TRIM24: variants seen among roughly 807,000 people sequenced by gnomAD.
TRIM24 encodes the protein tripartite motif containing 24.
TRIM24 carries 29 observed loss-of-function variants against 123.9 expected under a neutral mutation model. The observed-to-expected ratio is 0.23, with a 90% CI of 0.17 to 0.32. The LOEUF (loss-of-function observed/expected upper bound fraction) is 0.32. Ranked by LOEUF, TRIM24 falls within the 10% of genes least tolerant of loss-of-function variation. The pLI is 1.00. For synonymous variants in TRIM24, 456 were observed against 461.1 expected (o/e 0.99, Z 0.14); for missense variants, 932 against 1,295.3 (o/e 0.72, Z 4.31).
intron 1 of TRIM24, among the ~76,000 whole-genome samples, chr7:138,470,443 A>G (rs1795247618): frequency 6.6e-6 from 1 of 152,200 alleles, no homozygotes; most frequent in Admixed American, 6.5e-5. Flanking sequence ...TTTTATATGT[A>G]CTTGTAAAAA....
intron 7 of TRIM24, among the ~76,000 whole-genome samples, chr7:138,545,045 T>A (rs1298971482): frequency 6.6e-6 from 1 of 152,202 alleles, no homozygotes; most frequent in African/African-American, 2.4e-5. Flanking sequence ...AAATATTGTA[T>A]AAAATTGCTT....
rs60180839 is a variant in TRIM24, at chr7:138,508,692, TGCGCGCGC to T, written c.483+4286_483+4293del. ...GTGTGTGTGTGTGTGTGTGTGTGTG[TGCGCGCGC>T]GTGTGTGCGTGTGTGTGTGCGTGTG... On this transcript the variant is annotated intron_variant, in intron 2 of 18. Transcript: ENST00000343526. Among the ~76,000 whole-genome samples the T allele has an allele frequency of 1.2e-3, 158 of 137,228 alleles. 1 individual carries two copies. The highest frequency in any genetic ancestry group is 2.8e-3 in the African/African-American group (101 of 36,360). 90.0% of individuals were successfully genotyped at this position (137,228 alleles called of 152,430 possible). A position where few individuals can be genotyped will look rare whatever the true frequency, so the allele number is the denominator to read the frequency against.
intron 6 of TRIM24, among the ~76,000 whole-genome samples, chr7:138,529,513 C>T (rs550331458): frequency 7.2e-5 from 11 of 152,196 alleles, no homozygotes; most frequent in South Asian, 2.1e-4. Flanking sequence ...GAGTTATTTT[C>T]GAGATGCACT....
chr7:138,537,238 A>T (rs1796899672), intron 6 of TRIM24, among the ~76,000 whole-genome samples: 1 of 152,020 alleles, frequency 6.6e-6, no homozygotes, highest in South Asian at 2.1e-4. Flanking sequence ...CCACTGTCCG[A>T]CAAGCCCCAG....
intron 1 of TRIM24, among the ~76,000 whole-genome samples, chr7:138,480,008 AG>A (rs1487896111): frequency 2.1e-5 from 3 of 145,770 alleles, no homozygotes; most frequent in Admixed American, 6.8e-5. Context: ...TAGTAGAGAC[AG>A]GGTTTCGCCA....
intron 1 of TRIM24, among the ~76,000 whole-genome samples, chr7:138,494,483 C>T (rs1171490008): frequency 1.3e-5 from 2 of 152,000 alleles, no homozygotes; most frequent in Non-Finnish European, 2.9e-5. Flanking sequence ...CCTGTAATCC[C>T]AGCACTTTGG....
intron 1 of TRIM24, among the ~76,000 whole-genome samples, chr7:138,483,127 C>G (rs988728548): frequency 3.3e-5 from 5 of 151,932 alleles, no homozygotes; most frequent in African/African-American, 1.2e-4. Flanking sequence ...ACTTTGTTGC[C>G]CAGGCTGGTG....
rs530766425 is a variant in TRIM24, at chr7:138,555,283, T to C, written c.1530+317T>C. 1.8e-4 allele frequency among the ~76,000 whole-genome samples: 27 copies of C among 152,278 alleles called. No homozygotes were observed. The South Asian group carries it at 5.2e-3, about 29-fold the overall frequency. ...AAGTTGTGTGCCTATAATTCCTATA[T>C]TGGTGCTTCAGAATGATGAATACAT... On this transcript the variant is annotated intron_variant, in intron 9 of 18. Coordinates refer to ENST00000343526, the MANE Select transcript of TRIM24 (RefSeq NM_015905.3).
At chr7:138,564,705 G>A (rs938870887) in intron 9 of TRIM24, among the ~76,000 whole-genome samples, 3 of 152,092 alleles carry the variant, frequency 2.0e-5, no homozygotes. Context: ...TTAAATACAT[G>A]GCCAATTGTT....
intron 1 of TRIM24, among the ~76,000 whole-genome samples, chr7:138,483,105 G>C (rs529601275): frequency 4.3e-5 from 6 of 140,530 alleles, no homozygotes; most frequent in African/African-American, 1.1e-4. Flanking sequence ...TTTTTGTAGC[G>C]GGGGGGGTCT....
chr7:138,563,258 T>C (rs372267113), intron 9 of TRIM24, among the ~76,000 whole-genome samples: 4 of 152,322 alleles, frequency 2.6e-5, no homozygotes, highest in South Asian at 2.1e-4. Flanking sequence ...TCCTTCAGGG[T>C]GCAGCAGCCT....
intron 3 of TRIM24, among the ~76,000 whole-genome samples, chr7:138,516,116 G>A (rs569047999): frequency 1.6e-4 from 24 of 152,216 alleles, no homozygotes; most frequent in African/African-American, 5.5e-4. Flanking sequence ...TGGCTAACAC[G>A]TTGAAACCCC....
chr7:138,533,315 C>CAAAGGT (rs2116595794), intron 6 of TRIM24, among the ~76,000 whole-genome samples: 1 of 152,268 alleles, frequency 6.6e-6, no homozygotes, highest in Non-Finnish European at 1.5e-5. Context: ...GGGAATGCTT[C>CAAAGGT]CAGTTTTTGC....
intron 1 of TRIM24, among the ~76,000 whole-genome samples, chr7:138,503,386 C>G (rs1309428136): frequency 6.6e-6 from 1 of 151,920 alleles, no homozygotes; most frequent in African/African-American, 2.4e-5. Context: ...TTAATATTTT[C>G]CTGCACAATG....
chr7:138,460,927 CG>C lies in TRIM24; in HGVS notation c.364+17del, dbSNP rs1794949640. ...CGCCACCCAAGGTGAGAACCGGCCG[CG>C]GCCGCTGGGGAGCCCGGGGAGAGGG... On this transcript the variant is annotated intron_variant, in intron 1 of 18. Coordinates refer to ENST00000343526, the MANE Select transcript of TRIM24 (RefSeq NM_015905.3). 8 of 1,430,044 alleles carry C rather than the reference CG, an allele frequency of 5.6e-6. No individual in the cohort carries two copies. The highest frequency in any genetic ancestry group is 7.3e-6 in the Non-Finnish European group (8 of 1,100,682). 88.6% of individuals were successfully genotyped at this position (1,430,044 alleles called of 1,614,324 possible). A position where few individuals can be genotyped will look rare whatever the true frequency, so the allele number is the denominator to read the frequency against.
At chr7:138,537,587 C>T (rs962406568) in intron 6 of TRIM24, among the ~76,000 whole-genome samples, 1 of 151,900 alleles carries the variant, frequency 6.6e-6, no homozygotes, top group Non-Finnish European at 1.5e-5. Flanking sequence ...CCAAAGTAAA[C>T]AATTTCTATT....
At chr7:138,581,519 C>A (rs78086141) in intron 16 of TRIM24, among the ~76,000 whole-genome samples, 178 bp from the exon 17 acceptor site, 1,923 of 152,196 alleles carry the variant, frequency 0.013, 18 homozygotes, top group Non-Finnish European at 0.018. Flanking sequence ...AATTACAGGG[C>A]CTGTTCCCAA....
Position 138,585,157 on chromosome 7 carries a change from G to A in TRIM24, c.*206G>A. 1 of 380,824 alleles carries A rather than the reference G, an allele frequency of 2.6e-6. No homozygotes were observed. The highest frequency in any genetic ancestry group is 4.6e-6 in the Non-Finnish European group (1 of 216,352). 23.6% of individuals were successfully genotyped at this position (380,824 alleles called of 1,614,324 possible). The stretch of plus-strand genomic sequence containing the variant: ...AAGAAAGGAAAGAAGGAGATGAATA[G>A]AAGAAAGAAAATGGAAAGAAGGAAA... On this transcript the variant is annotated 3_prime_UTR_variant, in exon 19 of 19. Coordinates refer to ENST00000343526, the MANE Select transcript of TRIM24 (RefSeq NM_015905.3).
Position 138,579,314 on chromosome 7 carries a change from A to G in TRIM24, c.2367A>G (p.Gln789=), listed in dbSNP as rs775635957. 3 of 1,614,174 alleles carry G rather than the reference A, an allele frequency of 1.9e-6. No homozygotes were observed. Among genetic ancestry groups the G allele is most frequent in the Non-Finnish European group, 2.5e-6 (3 of 1,180,010 alleles). ...ATGCCCCTGATAGTACAGGAGATCA[A>G]CCTGGACTTCACCAGGACAATTCCT... The part of the protein sequence containing the change: ...RSDAPDSTGD[Q]PGLHQDNSSN... The change falls in exon 15 of 19, where the codon CAA becomes CAG. Residue 789 remains glutamine (Q), a synonymous_variant. Coordinates refer to ENST00000343526, the MANE Select transcript of TRIM24 (RefSeq NM_015905.3).
Sources: allele counts gnomAD v4.1 joint callset (sites outside exome capture counted in the v4.1 genomes callset), GRCh38; gene constraint gnomAD v4.1.1; transcripts MANE v1.5; gene names NCBI Gene and HGNC (gene_info 2026-07-23, HGNC 2026-07-21).